The following UNC5D variants were observed in gnomAD, a reference collection of about 807,000 sequenced individuals.
UNC5D encodes unc-5 netrin receptor D, also known as netrin receptor UNC5D.
In UNC5D, 39 loss-of-function variants were observed where a neutral mutation model predicts 105.4. That is an observed-to-expected ratio of 0.37 (90% CI 0.29 to 0.48). UNC5D has a LOEUF of 0.48. Among genes scored for constraint, UNC5D ranks in the 20% least tolerant of loss-of-function variants. The pLI is 0.98. For missense variants in UNC5D, 991 were observed against 1,202.4 expected, an observed-to-expected ratio of 0.82 and a Z score of 2.60; for synonymous variants, 452 against 450.4, an observed-to-expected ratio of 1.00 and a Z score of -0.04.
At chr8:35,642,577 C>T (rs1040838576) in intron 4 of UNC5D, among the ~76,000 whole-genome samples, 7 of 152,036 alleles carry the variant, frequency 4.6e-5, no homozygotes, top group African/African-American at 1.7e-4. Context: ...TTGCACTGGC[C>T]ATGGGTGCTT....
chr8:35,666,417 C>T lies in UNC5D; in HGVS notation c.571-17130C>T, dbSNP rs575497967. Among the ~76,000 whole-genome samples, 5 of 150,728 alleles carry T rather than the reference C, an allele frequency of 3.3e-5. No individual in the cohort carries two copies. In the South Asian group the frequency reaches 6.3e-4, roughly 19 times the overall value. ...TTAAATAAAAAACGAAGGAGGGGGC[C>T]GTGGAATGGAGGCTGTTGAAAATCT... On this transcript the variant is annotated intron_variant, in intron 4 of 16. Transcript: ENST00000404895.
intron 3 of UNC5D, among the ~76,000 whole-genome samples, chr8:35,587,039 C>G (rs879818789): frequency 9.9e-5 from 15 of 152,152 alleles, no homozygotes; most frequent in Non-Finnish European, 2.1e-4. Flanking sequence ...CCCAGATATA[C>G]TACTTATTGG....
At chr8:35,626,144 T>C (rs1821688459) in intron 4 of UNC5D, among the ~76,000 whole-genome samples, 2 of 151,796 alleles carry the variant, frequency 1.3e-5, no homozygotes, top group Non-Finnish European at 2.9e-5. Flanking sequence ...TCATGTTCCA[T>C]TGTGTCTGCA....
intron 13 of UNC5D, among the ~76,000 whole-genome samples, chr8:35,756,830 T>C (rs958764105): frequency 6.6e-6 from 1 of 152,182 alleles, no homozygotes; most frequent in Non-Finnish European, 1.5e-5. Flanking sequence ...AAATAACACA[T>C]GACCTTGAAC....
At chr8:35,517,488 G>T (rs1199723010) in intron 1 of UNC5D, among the ~76,000 whole-genome samples, 1 of 152,188 alleles carries the variant, frequency 6.6e-6, no homozygotes. Context: ...TTACCTATTA[G>T]TATGTAGACC....
chr8:35,303,168 G>A (rs1014526320), intron 1 of UNC5D, among the ~76,000 whole-genome samples: 50 of 151,826 alleles, frequency 3.3e-4, no homozygotes, highest in African/African-American at 1.1e-3. Flanking sequence ...TTTCTACATA[G>A]AGCACATCTC....
intron 1 of UNC5D, among the ~76,000 whole-genome samples, chr8:35,401,146 T>C (rs1804432210): frequency 6.6e-6 from 1 of 152,014 alleles, no homozygotes; most frequent in Non-Finnish European, 1.5e-5. Flanking sequence ...CATTTAACCA[T>C]GATAAAGATA....
rs868243589 is a variant in UNC5D at position 35,525,103 on chromosome 8, G to C, written c.104-24189G>C. 199 of 1,524,332 alleles carry C rather than the reference G, an allele frequency of 1.3e-4. 1 individual carries two copies. The Middle Eastern group carries it at 6.8e-3, about 52-fold the overall frequency. 94.4% of individuals were successfully genotyped at this position (1,524,332 alleles called of 1,614,324 possible). ...ACATATAGGATCCCTTCCCTCCCCC[G>C]GCCTGCCTCCGCTGAAGCCACCACC... On this transcript the variant is annotated intron_variant, in intron 1 of 16. Coordinates refer to ENST00000404895, the MANE Select transcript of UNC5D (RefSeq NM_080872.4).
At chr8:35,311,647 A>G (rs570733204) in intron 1 of UNC5D, among the ~76,000 whole-genome samples, 54 of 152,268 alleles carry the variant, frequency 3.5e-4, no homozygotes, top group African/African-American at 1.2e-3. Flanking sequence ...TGCATGAGCT[A>G]TGGTTTGATG....
chr8:35,756,433 A>G (rs1182006239), intron 13 of UNC5D, among the ~76,000 whole-genome samples: 3 of 152,064 alleles, frequency 2.0e-5, no homozygotes, highest in African/African-American at 2.4e-5. Context: ...TGTAGACAGT[A>G]TATATAACTC....
chr8:35,645,052 G>A (rs923928648), intron 4 of UNC5D, among the ~76,000 whole-genome samples: 1 of 152,202 alleles, frequency 6.6e-6, no homozygotes, highest in South Asian at 2.1e-4. Flanking sequence ...TGGGCAGGGC[G>A]GTTGCAATGT....
At chr8:35,625,579 G>A (rs1586280371) in intron 4 of UNC5D, among the ~76,000 whole-genome samples, 1 of 152,154 alleles carries the variant, frequency 6.6e-6, no homozygotes, top group African/African-American at 2.4e-5. Flanking sequence ...TTGCTATATT[G>A]TAATAAAACA....
intron 1 of UNC5D, among the ~76,000 whole-genome samples, chr8:35,431,913 GTTAAA>G (rs1299971749): frequency 6.6e-6 from 1 of 152,062 alleles, no homozygotes; most frequent in African/African-American, 2.4e-5. Context: ...TGAGCCATTT[GTTAAA>G]TGACAGAAAC....
At chr8:35,692,226 C>T (rs1328622173) in intron 7 of UNC5D, among the ~76,000 whole-genome samples, 1 of 152,182 alleles carries the variant, frequency 6.6e-6, no homozygotes, top group Admixed American at 6.5e-5. Context: ...TTTAAATAAA[C>T]ATCCCCAAGC....
intron 1 of UNC5D, among the ~76,000 whole-genome samples, chr8:35,459,566 G>C (rs1446265130): frequency 6.6e-6 from 1 of 152,146 alleles, no homozygotes; most frequent in Middle Eastern, 3.2e-3. Context: ...TGAAGGTCAT[G>C]GCATGTATTA....
At chr8:35,688,894 A>G (rs576608369) in intron 7 of UNC5D, among the ~76,000 whole-genome samples, 1 of 152,254 alleles carries the variant, frequency 6.6e-6, no homozygotes, top group Non-Finnish European at 1.5e-5. Flanking sequence ...AACTATGACC[A>G]TGAGTGGCTT....
chr8:35,247,060 C>T (rs1289897379), intron 1 of UNC5D, among the ~76,000 whole-genome samples: 2 of 152,014 alleles, frequency 1.3e-5, no homozygotes, highest in Non-Finnish European at 2.9e-5. Flanking sequence ...CCGTCCGTCC[C>T]TGCCCATGAA....
At chr8:35,442,938 C>A (rs986421718) in intron 1 of UNC5D, among the ~76,000 whole-genome samples, 2 of 145,948 alleles carry the variant, frequency 1.4e-5, no homozygotes, top group African/African-American at 5.1e-5. Flanking sequence ...ACACACACAA[C>A]ACACACACAC....
chr8:35,547,830 T>A (rs922739429), intron 1 of UNC5D, among the ~76,000 whole-genome samples: 4 of 152,010 alleles, frequency 2.6e-5, no homozygotes, highest in Non-Finnish European at 5.9e-5. Flanking sequence ...AACTAATAGA[T>A]GTATATATAA....
Sources: gnomAD v4.1 joint callset for allele counts (sites outside exome capture counted in the v4.1 genomes callset) on GRCh38, gnomAD v4.1.1 for gene constraint, MANE v1.5 for transcripts, NCBI Gene and HGNC (gene_info 2026-07-23, HGNC 2026-07-21) for gene names.